GRXCR2: variants seen among roughly 807,000 people sequenced by gnomAD.
The protein encoded by GRXCR2 is glutaredoxin domain-containing cysteine-rich protein 2.
Under a neutral mutation model 24.8 loss-of-function variants are expected in GRXCR2, and 23 were observed. The ratio of observed to expected loss-of-function variants is 0.93; its 90% confidence interval spans 0.67 to 1.32. The LOEUF is 1.32. Ranked by LOEUF, GRXCR2 falls within the 40% of genes most tolerant of loss-of-function variation. GRXCR2 has a pLI of 0.00. For synonymous variants in GRXCR2, 130 were observed against 116.1 expected, an observed-to-expected ratio of 1.12 and a Z score of -0.77; for missense variants, 315 against 303.4, an observed-to-expected ratio of 1.04 and a Z score of -0.28.
At chr5:145,873,584 G>A (rs571465170), upstream of GRXCR2, among the ~76,000 whole-genome samples, 19 of 152,256 alleles carry the variant, frequency 1.2e-4, no homozygotes, top group African/African-American at 4.6e-4. Flanking sequence ...CAAAACCCAA[G>A]ATCAGCCCAC....
intron 2 of GRXCR2, among the ~76,000 whole-genome samples, chr5:145,927,950 T>C (rs1433121822): frequency 6.6e-6 from 1 of 152,040 alleles, no homozygotes; most frequent in African/African-American, 2.4e-5. Context: ...GAAACTACCA[T>C]CAGAGTAAAC....
intron 2 of GRXCR2, among the ~76,000 whole-genome samples, chr5:145,925,056 CTT>C (rs1757372306): frequency 6.6e-6 from 1 of 152,188 alleles, no homozygotes; most frequent in Non-Finnish European, 1.5e-5. Flanking sequence ...CTGTCACACT[CTT>C]TGGAGCATTT....
At chr5:145,889,754 A>G (rs1434384548) in intron 2 of GRXCR2, among the ~76,000 whole-genome samples, 2 of 152,242 alleles carry the variant, frequency 1.3e-5, no homozygotes, top group Non-Finnish European at 2.9e-5. Context: ...ACAGGTAAAG[A>G]ATTCAAAGCA....
chr5:145,866,264 A>G (rs1417820563), intron 2 of GRXCR2, among the ~76,000 whole-genome samples: 1 of 152,256 alleles, frequency 6.6e-6, no homozygotes, highest in Non-Finnish European at 1.5e-5. Flanking sequence ...AGATCTAAAA[A>G]GAAGTCAGCC....
At chr5:145,880,768 C>T (rs181611374) in intron 2 of GRXCR2, among the ~76,000 whole-genome samples, 36 of 152,222 alleles carry the variant, frequency 2.4e-4, no homozygotes, top group African/African-American at 8.2e-4. Context: ...AACATGAGTG[C>T]GAAAATTCTC....
chr5:145,931,511 C>A (rs151160260), intron 2 of GRXCR2, among the ~76,000 whole-genome samples: 83 of 152,310 alleles, frequency 5.4e-4, no homozygotes, highest in African/African-American at 2.0e-3. Context: ...CAAACATACC[C>A]TCAATTGGAG....
chr5:145,874,453 T>C (rs964873960), upstream of GRXCR2, among the ~76,000 whole-genome samples: 3 of 152,018 alleles, frequency 2.0e-5, no homozygotes, highest in African/African-American at 7.2e-5. Context: ...CCGCCTGCCT[T>C]GACCTCCCAA....
At chr5:145,876,898 A>T (rs1479600109), upstream of GRXCR2, among the ~76,000 whole-genome samples, 2 of 152,104 alleles carry the variant, frequency 1.3e-5, no homozygotes, top group African/African-American at 4.8e-5. Flanking sequence ...TATCCTTGAA[A>T]CCTCCTAAGA....
intron 2 of GRXCR2, among the ~76,000 whole-genome samples, chr5:145,905,927 C>T (rs1757085549): frequency 6.6e-6 from 1 of 152,072 alleles, no homozygotes; most frequent in Non-Finnish European, 1.5e-5. Context: ...TGTGGGAGTG[C>T]TTGGTGAGAG....
chr5:145,859,568 C>T lies in GRXCR2; in HGVS notation c.*165G>A, dbSNP rs563818819. 84 of 633,674 alleles carry T rather than the reference C, an allele frequency of 1.3e-4. No homozygotes were observed. The highest frequency in any genetic ancestry group is 1.1e-3 in the African/African-American group (60 of 54,424). 39.3% of individuals were successfully genotyped at this position (633,674 alleles called of 1,614,324 possible). On this transcript the variant is annotated 3_prime_UTR_variant, in exon 3 of 3. Coordinates refer to ENST00000377976, the MANE Select transcript of GRXCR2 (RefSeq NM_001080516.2). ...ACTTAGACCCACAGAGAGATGTTAC[C>T]GGCCTCACAAAATGTCATCAGATAA...
At chr5:145,902,957 C>A (rs1278112749) in intron 2 of GRXCR2, among the ~76,000 whole-genome samples, 1 of 152,158 alleles carries the variant, frequency 6.6e-6, no homozygotes, top group Non-Finnish European at 1.5e-5. Flanking sequence ...GACAGTCTAA[C>A]CTTATAGAGC....
At chr5:145,861,815 A>C (rs1756344014) in intron 2 of GRXCR2, among the ~76,000 whole-genome samples, 1 of 152,240 alleles carries the variant, frequency 6.6e-6, no homozygotes, top group Admixed American at 6.5e-5. Context: ...CTAAGAATAA[A>C]AATAATCCCT....
chr5:145,910,923 G>T (rs531049837), intron 2 of GRXCR2, among the ~76,000 whole-genome samples: 1 of 151,894 alleles, frequency 6.6e-6, no homozygotes, highest in East Asian at 1.9e-4. Context: ...GGATGAGGAC[G>T]CCAAGGCCCT....
intron 2 of GRXCR2, among the ~76,000 whole-genome samples, chr5:145,887,937 TA>T (rs1756799823): frequency 6.6e-6 from 1 of 152,250 alleles, no homozygotes; most frequent in Non-Finnish European, 1.5e-5. Flanking sequence ...GTTTTTAAAA[TA>T]TGTAGTATTT....
intron 2 of GRXCR2, among the ~76,000 whole-genome samples, chr5:145,890,604 T>A (rs1460559776): frequency 6.6e-6 from 1 of 152,174 alleles, no homozygotes; most frequent in Non-Finnish European, 1.5e-5. Flanking sequence ...ACCAGTCTTA[T>A]AAGAGACCTT....
chr5:145,872,002 T>C (rs1156988022), intron 1 of GRXCR2, among the ~76,000 whole-genome samples: 1 of 152,172 alleles, frequency 6.6e-6, no homozygotes, highest in African/African-American at 2.4e-5. Flanking sequence ...GGGAAGTAAT[T>C]GAAATTCATA....
intron 2 of GRXCR2, among the ~76,000 whole-genome samples, chr5:145,879,792 A>T (rs1247127334): frequency 6.6e-6 from 1 of 151,556 alleles, no homozygotes; most frequent in Non-Finnish European, 1.5e-5. Context: ...AATTGACCAC[A>T]TAACTAAAGC....
At chr5:145,903,616 T>C (rs181542604) in intron 2 of GRXCR2, among the ~76,000 whole-genome samples, 1 of 152,332 alleles carries the variant, frequency 6.6e-6, no homozygotes, top group Admixed American at 6.5e-5. Context: ...TCTGGGCCTC[T>C]GTTTCTTCAT....
intron 2 of GRXCR2, among the ~76,000 whole-genome samples, chr5:145,860,804 G>A (rs1427598478): frequency 6.6e-6 from 1 of 152,048 alleles, no homozygotes; most frequent in Non-Finnish European, 1.5e-5. Context: ...GAATAATAAT[G>A]CTTACCCTTC....
Sources: gnomAD v4.1 joint callset for allele counts (sites outside exome capture counted in the v4.1 genomes callset) on GRCh38, gnomAD v4.1.1 for gene constraint, MANE v1.5 for transcripts, NCBI Gene and HGNC (gene_info 2026-07-23, HGNC 2026-07-21) for gene names.